The following FAM174B variants were observed in gnomAD, a reference collection of about 807,000 sequenced individuals.
FAM174B encodes the protein family with sequence similarity 174 member B, also known as membrane protein FAM174B.
Under a neutral mutation model 10.9 loss-of-function variants are expected in FAM174B, and 12 were observed. The ratio of observed to expected loss-of-function variants is 1.10; its 90% CI spans 0.71 to 1.79. The LOEUF (loss-of-function observed/expected upper bound fraction) is 1.79. Ranked by LOEUF, FAM174B falls within the 40% of genes most tolerant of loss-of-function variation. FAM174B has a pLI of 0.00. For synonymous variants in FAM174B, 132 were observed against 115.8 expected (o/e 1.14, Z -0.90); for missense variants, 266 against 233.3 (o/e 1.14, Z -0.91).
intron 2 of FAM174B, 152 bp from the exon 3 acceptor site, chr15:92,619,611 G>A (rs1567041505): frequency 1.2e-6 from 1 of 824,864 alleles, no homozygotes; most frequent in Non-Finnish European, 1.9e-6. Flanking sequence ...TGTCTGGAAG[G>A]CGCAATCCAC....
At chr15:92,651,292 C>T (rs1433423070) in intron 1 of FAM174B, among the ~76,000 whole-genome samples, 2 of 152,156 alleles carry the variant, frequency 1.3e-5, no homozygotes, top group African/African-American at 2.4e-5. Flanking sequence ...CAGGTGTACA[C>T]CCCAGATGCT....
intron 1 of FAM174B, among the ~76,000 whole-genome samples, chr15:92,637,059 C>G (rs911381736): frequency 1.6e-4 from 25 of 152,226 alleles, no homozygotes; most frequent in African/African-American, 6.0e-4. Context: ...CTGGGTGAAG[C>G]CCCTCCCACA....
At chr15:92,628,177 T>A (rs1027723853) in intron 2 of FAM174B, among the ~76,000 whole-genome samples, 1 of 152,014 alleles carries the variant, frequency 6.6e-6, no homozygotes, top group Non-Finnish European at 1.5e-5. Flanking sequence ...CAAAATTTTT[T>A]TTTTTGAGAT....
In FAM174B at chr15:92,655,311, C is replaced by T. The variant is rs1189664150; in HGVS notation, c.344+5G>A. 8 of 1,554,058 alleles carry T rather than the reference C, an allele frequency of 5.1e-6. No individual in the cohort carries two copies. The highest frequency in any genetic ancestry group is 7.0e-6 in the Non-Finnish European group (8 of 1,149,630). ...CGGGGGAAGGAAGAGGGCGGGAGGG[C>T]CCACCTGAAGACGCGCAGCAGCAGG... On this transcript the variant is annotated splice_donor_5th_base_variant and intron_variant, in intron 1 of 2. Transcript: ENST00000327355.
At chr15:92,627,606 C>A (rs2050761571) in intron 2 of FAM174B, among the ~76,000 whole-genome samples, 1 of 152,180 alleles carries the variant, frequency 6.6e-6, no homozygotes, top group Non-Finnish European at 1.5e-5. Flanking sequence ...AGGGTCTTCT[C>A]TTATTCAGTG....
rs534605352 is a variant in FAM174B, at chr15:92,618,086, A to C, written c.*1370T>G. The C allele has an allele frequency of 3.1e-5, 5 of 161,966 alleles. No homozygotes were observed. The East Asian group carries it at 8.0e-4, about 26-fold the overall frequency. 10.0% of individuals were successfully genotyped at this position (161,966 alleles called of 1,614,324 possible). A position where few individuals can be genotyped will look rare whatever the true frequency, so the allele number is the denominator to read the frequency against. On this transcript the variant is annotated 3_prime_UTR_variant, in exon 3 of 3. Coordinates refer to ENST00000327355, the MANE Select transcript of FAM174B (RefSeq NM_207446.3). Reference sequence around the variant, plus strand: ...TCAGGAAAGGCTGGAGTTTTCATCCAAAAAAAAAAAGAGCAGGACAATAAA... The same window carrying C: ...TCAGGAAAGGCTGGAGTTTTCATCCCAAAAAAAAAAGAGCAGGACAATAAA...
chr15:92,646,202 A>G (rs1352066348), intron 1 of FAM174B, among the ~76,000 whole-genome samples: 1 of 152,122 alleles, frequency 6.6e-6, no homozygotes, highest in Non-Finnish European at 1.5e-5. Flanking sequence ...AATCCTTGGT[A>G]CAACCTGATC....
Position 92,617,588 on chromosome 15 carries a change from A to T in FAM174B, c.*1868T>A, listed in dbSNP as rs570048193. On this transcript the variant is annotated 3_prime_UTR_variant, in exon 3 of 3. Coordinates refer to ENST00000327355, the MANE Select transcript of FAM174B (RefSeq NM_207446.3). ...AGATGGAGCCCGGGTGTTTCTGCGT[A>T]AGGCAGAGGAATCCAGCTTTTCCAT... 1.6e-6 allele frequency: 1 copy of T among 616,422 alleles called. No individual in the cohort carries two copies. Among genetic ancestry groups the T allele is most frequent in the Non-Finnish European group, 2.9e-6 (1 of 348,920 alleles). 38.2% of individuals were successfully genotyped at this position (616,422 alleles called of 1,614,324 possible).
intron 2 of FAM174B, among the ~76,000 whole-genome samples, chr15:92,626,349 C>T (rs918661537): frequency 6.6e-6 from 1 of 152,130 alleles, no homozygotes; most frequent in Non-Finnish European, 1.5e-5. Context: ...CCGCCCGCCT[C>T]GGCCTCCCAA....
At chr15:92,655,230 G>A in intron 1 of FAM174B, 86 bp downstream of exon 1, 1 of 1,445,108 alleles carries the variant, frequency 6.9e-7, no homozygotes. Flanking sequence ...ACCTGTGCGT[G>A]CAGGTGGGGC....
At chr15:92,654,982 G>A in intron 1 of FAM174B, 1 of 190,842 alleles carries the variant, frequency 5.2e-6, no homozygotes, top group Non-Finnish European at 1.1e-5. Context: ...TCTGTGAAAT[G>A]ATTATAAAAA....
intron 1 of FAM174B, among the ~76,000 whole-genome samples, chr15:92,640,371 G>A (rs1172647849): frequency 6.6e-6 from 1 of 151,828 alleles, no homozygotes; most frequent in South Asian, 2.1e-4. Flanking sequence ...AGCTAACATG[G>A]TGAAACCCCA....
intron 1 of FAM174B, among the ~76,000 whole-genome samples, 195 bp from the exon 2 acceptor site, chr15:92,630,540 A>G (rs2050785878): frequency 6.6e-6 from 1 of 151,954 alleles, no homozygotes; most frequent in African/African-American, 2.4e-5. Flanking sequence ...GACTGCTCCC[A>G]GGAGATTCGG....
intron 1 of FAM174B, among the ~76,000 whole-genome samples, chr15:92,642,112 G>A (rs761942706): frequency 1.8e-4 from 28 of 152,118 alleles, no homozygotes; most frequent in Admixed American, 1.4e-3. Context: ...AACACACAAC[G>A]AGATACCACT....
At position 92,617,805 on chromosome 15, in the gene FAM174B, G is replaced by A. The variant is rs559809641; in HGVS notation, c.*1651C>T. 73 of 518,938 alleles carry A rather than the reference G, an allele frequency of 1.4e-4. No individual in the cohort carries two copies. In the South Asian group the frequency reaches 1.9e-3, roughly 13 times the overall value. 32.1% of individuals were successfully genotyped at this position (518,938 alleles called of 1,614,324 possible). A position where few individuals can be genotyped will look rare whatever the true frequency, so the allele number is the denominator to read the frequency against. ...TCCCACCCCTCTGGCAAACAGATGG[G>A]GGAAAACAGAGAAGGAAAGTCAACA... On this transcript the variant is annotated 3_prime_UTR_variant, in exon 3 of 3. Coordinates refer to ENST00000327355, the MANE Select transcript of FAM174B (RefSeq NM_207446.3).
In FAM174B at chr15:92,617,634, G is replaced by A. The variant is rs375958023; in HGVS notation, c.*1822C>T. On this transcript the variant is annotated 3_prime_UTR_variant, in exon 3 of 3. Transcript: ENST00000327355. Reference sequence around the variant, plus strand: ...TCCATGAGATTCAGCTGCAGTTGTCGAAAACCCTGTGTGAGCCAGCAGTTC... The same window carrying A: ...TCCATGAGATTCAGCTGCAGTTGTCAAAAACCCTGTGTGAGCCAGCAGTTC... The A allele has an allele frequency of 3.5e-5, 23 of 659,528 alleles. No homozygotes were observed. Among genetic ancestry groups the A allele is most frequent in the East Asian group, 3.0e-4 (10 of 33,752 alleles). The allele number at this position is 659,528 out of a possible 1,614,324, so 40.9% of individuals were successfully genotyped here.
chr15:92,628,819 AT>A (rs2050771505), intron 2 of FAM174B, among the ~76,000 whole-genome samples: 1 of 152,232 alleles, frequency 6.6e-6, no homozygotes, highest in African/African-American at 2.4e-5. Context: ...AAAGTAAAAA[AT>A]ATACATATCA....
rs1567045262 is a variant in FAM174B at position 92,631,301 on chromosome 15, TAATATATTATATATAATATTATATATAA to T, written c.345-984_345-957del. On this transcript the variant is annotated intron_variant, in intron 1 of 2. Coordinates refer to ENST00000327355, the MANE Select transcript of FAM174B (RefSeq NM_207446.3). Reference sequence around the variant, plus strand: ...TATATAATATATTATATATTATATATAATATATTATATATAATATTATATATAATATATTATATATTATATATAATATA... The same window carrying T: ...TATATAATATATTATATATTATATATTATATTATATATTATATATAATATA... Among the ~76,000 whole-genome samples the T allele has an allele frequency of 1.3e-3, 12 of 9,208 alleles. 2 individuals carry two copies. In the East Asian group the frequency reaches 0.015, roughly 12 times the overall value. The allele number at this position is 9,208 out of a possible 152,430, so 6.0% of individuals were successfully genotyped here. A position where few individuals can be genotyped will look rare whatever the true frequency, so the allele number is the denominator to read the frequency against.
At chr15:92,619,558 G>T in intron 2 of FAM174B, 99 bp from the exon 3 acceptor site, 1 of 1,384,426 alleles carries the variant, frequency 7.2e-7, no homozygotes, top group Non-Finnish European at 9.9e-7. Flanking sequence ...CTCTCAGCCA[G>T]TGAAAAGGCC....
Sources: gnomAD v4.1 joint callset for allele counts (sites outside exome capture counted in the v4.1 genomes callset) on GRCh38, gnomAD v4.1.1 for gene constraint, MANE v1.5 for transcripts, NCBI Gene and HGNC (gene_info 2026-07-23, HGNC 2026-07-21) for gene names.